Variants in PTRH1 observed in about 807,000 individuals in gnomAD.
PTRH1 encodes peptidyl-tRNA hydrolase.
PTRH1 carries 13 observed loss-of-function variants against 15.7 expected under a neutral mutation model. That is an observed-to-expected ratio of 0.83 (90% CI 0.54 to 1.31). The LOEUF (loss-of-function observed/expected upper bound fraction) is 1.31. Ranked by LOEUF, PTRH1 falls within the 40% of genes most tolerant of loss-of-function variation. The pLI is 0.00. For synonymous variants in PTRH1, 139 were observed against 136.7 expected, an observed-to-expected ratio of 1.02 and a Z score of -0.12; for missense variants, 319 against 296.2, an observed-to-expected ratio of 1.08 and a Z score of -0.56.
At chr9:127,713,471 C>T, downstream of PTRH1, 1 of 429,868 alleles carries the variant, frequency 2.3e-6, no homozygotes, top group Non-Finnish European at 4.1e-6. Context: ...CCTGAAGAGG[C>T]CTCAGCTTCC....
chr9:127,703,245 G>A (rs1842617067), intron 1 of PTRH1, among the ~76,000 whole-genome samples: 1 of 151,780 alleles, frequency 6.6e-6, no homozygotes, highest in Non-Finnish European at 1.5e-5. Flanking sequence ...GAGGTCAGGA[G>A]TTCGAGACCA....
chr9:127,707,228 G>C, intron 1 of PTRH1: 1 of 1,598,480 alleles, frequency 6.3e-7, no homozygotes, highest in Non-Finnish European at 8.5e-7. Flanking sequence ...TGGTGCCCTG[G>C]GTCAGAAGCC....
downstream of PTRH1, chr9:127,711,584 T>C: frequency 6.6e-7 from 1 of 1,507,262 alleles, no homozygotes; most frequent in East Asian, 2.3e-5. Context: ...TCAGGGGCAG[T>C]CAAGTCAGGA....
At chr9:127,699,917 A>G (rs1335756125) in intron 1 of PTRH1, among the ~76,000 whole-genome samples, 1 of 151,988 alleles carries the variant, frequency 6.6e-6, no homozygotes, top group African/African-American at 2.4e-5. Flanking sequence ...CATCAATATA[A>G]TGGGAATAAT....
rs1588389242 is a variant in PTRH1 at position 127,708,538 on chromosome 9, C to T, written c.205+6897G>A. Reference sequence around the variant, plus strand: ...ACTTTTCAAGTAACTTCAGTTACTCCATTGAAAACCACTAAATTGGTTATG... The same window carrying T: ...ACTTTTCAAGTAACTTCAGTTACTCTATTGAAAACCACTAAATTGGTTATG... On this transcript the variant is annotated intron_variant, in intron 1 of 2. Coordinates refer to the PTRH1 transcript ENST00000335223. 2.0e-5 allele frequency among the ~76,000 whole-genome samples: 3 copies of T among 152,056 alleles called. No individual in the cohort carries two copies. In the East Asian group the frequency reaches 5.8e-4, roughly 29 times the overall value.
intron 1 of PTRH1, among the ~76,000 whole-genome samples, chr9:127,708,463 C>G (rs866216435): frequency 2.0e-5 from 3 of 151,848 alleles, no homozygotes; most frequent in East Asian, 1.9e-4. Flanking sequence ...GGTGACAGAT[C>G]GAGACTCCAT....
downstream of PTRH1, chr9:127,709,596 A>G (rs1842717514): frequency 1.2e-6 from 2 of 1,613,916 alleles, no homozygotes; most frequent in Non-Finnish European, 1.7e-6. The surrounding 1 kb of genome is among the most constrained non-coding windows in gnomAD (Gnocchi z 4.7). Context: ...AGCTAGCCAA[A>G]GAGATGGAGA....
downstream of PTRH1, among the ~76,000 whole-genome samples, chr9:127,710,294 A>C (rs890997862): frequency 2.6e-5 from 4 of 151,118 alleles, no homozygotes; most frequent in Admixed American, 6.6e-5. Context: ...AAAAAAAAAA[A>C]AAAAACAAAA....
At chr9:127,714,326 T>C in intron 4 of PTRH1, 44 bp from the exon 5 acceptor site, 1 of 1,614,098 alleles carries the variant, frequency 6.2e-7, no homozygotes, top group Non-Finnish European at 8.5e-7. Context: ...GGCGAGGTGC[T>C]GGGGGACCCC....
At position 127,714,442 on chromosome 9, in the gene PTRH1, G is replaced by A. The variant is rs1842863239; in HGVS notation, c.417-18C>T. The A allele has an allele frequency of 1.9e-6, 3 of 1,613,982 alleles. No individual in the cohort carries two copies. Among genetic ancestry groups the A allele is most frequent in the African/African-American group, 1.3e-5 (1 of 74,932 alleles). ...TGTGGCCCCTTCAAGGGATATGGGAGGGGCAGTTAGTGCCTCCCTGGGGCA... is the reference window on the plus strand; with the variant it reads ...TGTGGCCCCTTCAAGGGATATGGGAAGGGCAGTTAGTGCCTCCCTGGGGCA... On this transcript the variant is annotated intron_variant, in intron 3 of 4. Coordinates refer to ENST00000543175, the MANE Select transcript of PTRH1 (RefSeq NM_001002913.3).
At chr9:127,701,429 GGAATGAATGAAT>G (rs34198029) in intron 1 of PTRH1, among the ~76,000 whole-genome samples, 2 of 151,956 alleles carry the variant, frequency 1.3e-5, no homozygotes, top group African/African-American at 2.4e-5. Flanking sequence ...ATAAAGAAAG[GGAATGAATGAAT>G]GAATGAATGA....
chr9:127,704,734 T>C (rs1028485906), intron 1 of PTRH1, among the ~76,000 whole-genome samples: 1 of 152,166 alleles, frequency 6.6e-6, no homozygotes, highest in East Asian at 1.9e-4. Flanking sequence ...ACTGACCTTG[T>C]TGGAGATTAA....
Position 127,714,358 on chromosome 9 carries a change from AC to A in PTRH1, c.462+20del. On this transcript the variant is annotated intron_variant, in intron 4 of 4. Transcript: ENST00000543175. ...CCCCTGGCCCACCCGACCCAGTTGC[AC>A]AACAAAAGGGTAGACTCACATTGGA... 1 of 1,614,180 alleles carries A rather than the reference AC, an allele frequency of 6.2e-7. No individual in the cohort carries two copies.
intron 1 of PTRH1, chr9:127,695,807 C>T (rs922399565): frequency 7.9e-5 from 12 of 152,192 alleles, no homozygotes; most frequent in African/African-American, 2.9e-4. Context: ...CAAACCACGG[C>T]ACTTCAAAAC....
At chr9:127,697,704 T>A (rs1234870257) in intron 1 of PTRH1, among the ~76,000 whole-genome samples, 1 of 152,120 alleles carries the variant, frequency 6.6e-6, no homozygotes, top group African/African-American at 2.4e-5. Flanking sequence ...CAGCACCAGA[T>A]GACAAGGCTG....
chr9:127,714,992 C>T lies in PTRH1; in HGVS notation c.299G>A (p.Arg100His). The stretch of plus-strand genomic sequence containing the variant: ...CAACTCACCAGCCCGGGCCACGCTG[C>T]GCCCGTTGGCGTTCATAAGCCGCCG... Reference protein sequence around the residue: ...RPRRLMNANGRSVARAAELFG... With the variant: ...RPRRLMNANGHSVARAAELFG... Residue 100 changes from arginine (R) to histidine (H), a missense_variant, in exon 2 of 5, where the codon CGC becomes CAC. Physicochemically the swap from Arg to His is conservative, Grantham distance 29. Transcript: ENST00000543175. The T allele has an allele frequency of 6.8e-7, 1 of 1,464,660 alleles. No individual in the cohort carries two copies. Among genetic ancestry groups the T allele is most frequent in the Non-Finnish European group, 9.0e-7 (1 of 1,113,390 alleles). The allele number at this position is 1,464,660 out of a possible 1,614,324, so 90.7% of individuals were successfully genotyped here. A position where few individuals can be genotyped will look rare whatever the true frequency, so the allele number is the denominator to read the frequency against.
chr9:127,709,604 A>G, downstream of PTRH1: 1 of 1,614,024 alleles, frequency 6.2e-7, no homozygotes, highest in Non-Finnish European at 8.5e-7. The surrounding 1 kb of genome is among the most constrained non-coding windows in gnomAD (Gnocchi z 4.7). Flanking sequence ...AAAGAGATGG[A>G]GAAGGATGCC....
chr9:127,695,107 A>C (rs574262648), exon 2 of PTRH1: 593 of 701,306 alleles, frequency 8.5e-4, no homozygotes, highest in Middle Eastern at 1.1e-3. Context: ...GATGATGATG[A>C]TGCTGCTGCT....
downstream of PTRH1, chr9:127,712,575 C>A: frequency 6.4e-7 from 1 of 1,557,138 alleles, no homozygotes. Flanking sequence ...CCTCAGTCTT[C>A]CCGACTGAAG....
Sources: allele counts gnomAD v4.1 joint callset (sites outside exome capture counted in the v4.1 genomes callset), GRCh38; gene constraint gnomAD v4.1.1; non-coding constraint Gnocchi (gnomAD v3.1); transcripts MANE v1.5; gene names NCBI Gene and HGNC (gene_info 2026-07-23, HGNC 2026-07-21).